CNTN4: variants seen among roughly 807,000 people sequenced by gnomAD.
The protein encoded by CNTN4 is contactin-4.
A neutral mutation model predicts 122.5 loss-of-function variants in CNTN4; 77 were observed. The ratio of observed to expected loss-of-function variants is 0.63; its 90% CI spans 0.52 to 0.76. The LOEUF (loss-of-function observed/expected upper bound fraction) is 0.76, where lower values mean the gene tolerates loss of function less well. Among genes scored for constraint, CNTN4 ranks in the 30% least tolerant of loss-of-function variants. The pLI, the probability that CNTN4 is intolerant of heterozygous loss-of-function variation, is 0.00. For synonymous variants in CNTN4, 512 were observed against 447.0 expected (o/e 1.15, Z -1.83); for missense variants, 1,256 against 1,259.1 (o/e 1.00, Z 0.04).
chr3:2,995,851 A>G (rs936653335), intron 14 of CNTN4, among the ~76,000 whole-genome samples: 4 of 152,210 alleles, frequency 2.6e-5, no homozygotes, highest in Non-Finnish European at 5.9e-5. Context: ...TGCAATCTCC[A>G]TGGCCCAGCA....
chr3:2,935,914 G>A lies in CNTN4; in HGVS notation c.1358+10135G>A, dbSNP rs541883081. Among the ~76,000 whole-genome samples the A allele has an allele frequency of 5.3e-5, 8 of 152,300 alleles. 1 individual carries two copies. In the South Asian group the frequency reaches 1.7e-3, roughly 32 times the overall value. ...CGTCTGATTCTTGGAGGGGATTGAG[G>A]AGAAGGTGGTGGTAGTATATTTAGG... is the stretch of plus-strand genomic sequence containing the variant. On this transcript the variant is annotated intron_variant, in intron 13 of 24. Transcript: ENST00000418658.
At chr3:2,363,279 T>C (rs537912271) in intron 3 of CNTN4, among the ~76,000 whole-genome samples, 3 of 152,360 alleles carry the variant, frequency 2.0e-5, no homozygotes, top group African/African-American at 7.2e-5. Context: ...ATTGGTTGTT[T>C]ACCAAGTGCT....
intron 3 of CNTN4, among the ~76,000 whole-genome samples, chr3:2,375,077 T>A (rs2045767916): frequency 1.3e-5 from 2 of 152,222 alleles, no homozygotes; most frequent in Admixed American, 1.3e-4. Flanking sequence ...TGTAAAAATC[T>A]GCTTCAGTCA....
Position 2,639,506 on chromosome 3 carries a change from C to G in CNTN4, c.55+67948C>G, listed in dbSNP as rs1314536357. On this transcript the variant is annotated intron_variant, in intron 4 of 24. Transcript: ENST00000418658. ...TCCACATTCATGGAGCTCCCTTACC[C>G]TGTTCCACTTTTTCTTTTTTTGGTA... Among the ~76,000 whole-genome samples the G allele has an allele frequency of 3.9e-5, 6 of 152,300 alleles. No individual in the cohort carries two copies. In the East Asian group the frequency reaches 1.2e-3, roughly 29 times the overall value.
intron 12 of CNTN4, among the ~76,000 whole-genome samples, chr3:2,924,262 C>G (rs2094453311): frequency 6.6e-6 from 1 of 152,098 alleles, no homozygotes. Flanking sequence ...CATTTTTAAA[C>G]ATCATTAGCC....
chr3:2,328,293 C>T (rs577522420), intron 2 of CNTN4, among the ~76,000 whole-genome samples: 2 of 150,592 alleles, frequency 1.3e-5, no homozygotes, highest in Admixed American at 1.3e-4. Context: ...GTAGTCCCAG[C>T]TACTCGGGAG....
intron 3 of CNTN4, among the ~76,000 whole-genome samples, chr3:2,496,149 A>G (rs2076446095): frequency 6.6e-6 from 1 of 152,254 alleles, no homozygotes; most frequent in Non-Finnish European, 1.5e-5. Flanking sequence ...TCCTCTGGAT[A>G]CAAATTCTGA....
intron 2 of CNTN4, among the ~76,000 whole-genome samples, chr3:2,241,282 T>C (rs997341216): frequency 8.5e-5 from 13 of 152,206 alleles, no homozygotes; most frequent in Non-Finnish European, 1.8e-4. Flanking sequence ...TTAATTTGTC[T>C]TTATTGCTTA....
intron 4 of CNTN4, among the ~76,000 whole-genome samples, chr3:2,681,515 G>A (rs1303630954): frequency 6.6e-6 from 1 of 152,082 alleles, no homozygotes; most frequent in Non-Finnish European, 1.5e-5. Context: ...ACAAGTAGAT[G>A]CCACTCACTG....
chr3:2,536,995 T>C (rs1220960118), intron 3 of CNTN4, among the ~76,000 whole-genome samples: 1 of 152,070 alleles, frequency 6.6e-6, no homozygotes, highest in African/African-American at 2.4e-5. Flanking sequence ...CTCTCTACCA[T>C]GTAGTGTTTT....
intron 13 of CNTN4, among the ~76,000 whole-genome samples, chr3:2,956,375 C>T (rs955057777): frequency 1.3e-5 from 2 of 151,864 alleles, no homozygotes; most frequent in African/African-American, 4.8e-5. Context: ...GACAGTTGCA[C>T]AACAGTGTGA....
At chr3:2,295,620 C>T (rs1347304845) in intron 2 of CNTN4, among the ~76,000 whole-genome samples, 4 of 152,038 alleles carry the variant, frequency 2.6e-5, no homozygotes, top group Admixed American at 6.6e-5. Flanking sequence ...TTCTCCCATT[C>T]TATAGGTTGC....
chr3:2,614,019 A>T (rs1056407489), intron 4 of CNTN4, among the ~76,000 whole-genome samples: 15 of 152,336 alleles, frequency 9.8e-5, no homozygotes, highest in Admixed American at 8.5e-4. Context: ...AAGAGCTAAC[A>T]TTCTATTGTG....
chr3:3,045,866 G>T (rs1559831420), intron 23 of CNTN4, among the ~76,000 whole-genome samples: 1 of 152,154 alleles, frequency 6.6e-6, no homozygotes, highest in East Asian at 1.9e-4. Flanking sequence ...TCCCAAAGAA[G>T]TTGAAAACCT....
At chr3:2,805,161 G>C (rs1424672882) in intron 6 of CNTN4, among the ~76,000 whole-genome samples, 1 of 151,682 alleles carries the variant, frequency 6.6e-6, no homozygotes, top group Non-Finnish European at 1.5e-5. Flanking sequence ...TGTGCAACAA[G>C]AACAAAACTC....
intron 14 of CNTN4, among the ~76,000 whole-genome samples, chr3:2,992,038 C>G (rs1695106335): frequency 6.6e-6 from 1 of 152,148 alleles, no homozygotes; most frequent in Non-Finnish European, 1.5e-5. Flanking sequence ...CTCTTTCTCC[C>G]TACCCTTGCC....
At chr3:2,908,916 A>C (rs957368728) in intron 12 of CNTN4, among the ~76,000 whole-genome samples, 3 of 152,240 alleles carry the variant, frequency 2.0e-5, no homozygotes, top group South Asian at 4.1e-4. Context: ...GTGGTGGAAC[A>C]CATCTGACCC....
chr3:2,138,317 C>G (rs572296798), intron 2 of CNTN4, among the ~76,000 whole-genome samples: 1 of 152,256 alleles, frequency 6.6e-6, no homozygotes, highest in East Asian at 1.9e-4. Flanking sequence ...ATCCACCTGC[C>G]TTGGCCTCCC....
At chr3:2,953,580 C>T (rs1404727617) in intron 13 of CNTN4, among the ~76,000 whole-genome samples, 1 of 152,104 alleles carries the variant, frequency 6.6e-6, no homozygotes, top group East Asian at 1.9e-4. Flanking sequence ...TTCCTCTAGT[C>T]TATAGCCTTC....
Sources: allele counts gnomAD v4.1 joint callset (sites outside exome capture counted in the v4.1 genomes callset), GRCh38; gene constraint gnomAD v4.1.1; transcripts MANE v1.5; gene names NCBI Gene and HGNC (gene_info 2026-07-23, HGNC 2026-07-21).